Variants in H2AZ1 observed in about 807,000 individuals in gnomAD.
The protein encoded by H2AZ1 is histone H2A.Z.
H2AZ1 carries 3 observed loss-of-function variants against 16.6 expected under a neutral mutation model. The observed-to-expected ratio is 0.18, with a 90% CI of 0.08 to 0.47. The LOEUF (loss-of-function observed/expected upper bound fraction) is 0.47. H2AZ1 is among the 20% of genes least tolerant of loss of function. The pLI is 0.98. For missense variants in H2AZ1, 27 were observed against 163.6 expected, an observed-to-expected ratio of 0.17 and a Z score of 4.55; for synonymous variants, 78 against 60.7, an observed-to-expected ratio of 1.28 and a Z score of -1.32.
chr4:99,949,499 G>A (rs1727225222), intron 2 of H2AZ1, 113 bp from the exon 3 acceptor site: 1 of 979,114 alleles, frequency 1.0e-6, no homozygotes, highest in Non-Finnish European at 1.6e-6. Flanking sequence ...TCCCGACATC[G>A]AAACACGTGA....
Sources: allele counts gnomAD v4.1 joint callset, GRCh38; gene constraint gnomAD v4.1.1; transcripts MANE v1.5; gene names NCBI Gene and HGNC (gene_info 2026-07-23, HGNC 2026-07-21).